The following ALDH1L1 variants were observed in gnomAD, a reference collection of about 807,000 sequenced individuals.
ALDH1L1 encodes the protein aldehyde dehydrogenase 1 family member L1, also known as cytosolic 10-formyltetrahydrofolate dehydrogenase.
ALDH1L1 carries 68 observed loss-of-function variants against 101.1 expected under a neutral mutation model. That is an observed-to-expected ratio of 0.67 (90% CI 0.55 to 0.82). ALDH1L1 has a LOEUF of 0.82. Ranked by LOEUF, ALDH1L1 falls within the 40% of genes least tolerant of loss-of-function variation. The pLI is 0.00. For synonymous variants in ALDH1L1, 486 were observed against 470.8 expected, an observed-to-expected ratio of 1.03 and a Z score of -0.42; for missense variants, 1,087 against 1,172.7, an observed-to-expected ratio of 0.93 and a Z score of 1.07.
chr3:126,140,826 CA>C (rs76633409), intron 9 of ALDH1L1, among the ~76,000 whole-genome samples: 2 of 151,140 alleles, frequency 1.3e-5, no homozygotes, highest in East Asian at 3.9e-4. Context: ...TGATACACTA[CA>C]AAAAAAATTA....
At chr3:126,107,322 T>A in intron 20 of ALDH1L1, 76 bp from the exon 21 acceptor site, 1 of 1,240,412 alleles carries the variant, frequency 8.1e-7, no homozygotes, top group Non-Finnish European at 1.2e-6. Flanking sequence ...CAGCAGGGCC[T>A]GGGCCACACC....
chr3:126,112,901 C>T, intron 18 of ALDH1L1, 21 bp from the exon 19 acceptor site: 1 of 1,607,902 alleles, frequency 6.2e-7, no homozygotes, highest in Non-Finnish European at 8.5e-7. Context: ...TGGACAAGAA[C>T]ACCAGGTCAC....
chr3:126,170,151 C>G (rs1381651339), intron 1 of ALDH1L1, among the ~76,000 whole-genome samples: 1 of 152,080 alleles, frequency 6.6e-6, no homozygotes, highest in Non-Finnish European at 1.5e-5. Context: ...TCAACCCCAC[C>G]TCACCAAATA....
At chr3:126,163,888 C>A (rs563487125) in intron 1 of ALDH1L1, among the ~76,000 whole-genome samples, 2 of 152,172 alleles carry the variant, frequency 1.3e-5, no homozygotes, top group African/African-American at 2.4e-5. Flanking sequence ...AACCCCAGCA[C>A]GTTGGGAGGC....
chr3:126,180,677 T>C, upstream of ALDH1L1: 1 of 1,360,040 alleles, frequency 7.4e-7, no homozygotes, highest in Non-Finnish European at 9.5e-7. Flanking sequence ...GGGGCGGCGC[T>C]CACCGGTGGT....
chr3:126,180,670 G>A, upstream of ALDH1L1: 3 of 1,351,362 alleles, frequency 2.2e-6, no homozygotes, highest in Non-Finnish European at 2.9e-6. Flanking sequence ...CCGAGTGGGG[G>A]CGGCGCTCAC....
At chr3:126,105,431 T>C (rs927972935) in intron 22 of ALDH1L1, 3 of 427,044 alleles carry the variant, frequency 7.0e-6, no homozygotes, top group African/African-American at 6.1e-5. Context: ...TCCTCCCTGC[T>C]ATGCAGGTCT....
intron 2 of ALDH1L1, 98 bp downstream of exon 2, chr3:126,160,755 T>C: frequency 6.5e-7 from 1 of 1,537,640 alleles, no homozygotes. Flanking sequence ...GCACAGGCCC[T>C]GCAGACTTCT....
intron 16 of ALDH1L1, among the ~76,000 whole-genome samples, chr3:126,121,844 A>C (rs1380444482): frequency 6.6e-6 from 1 of 152,234 alleles, no homozygotes; most frequent in South Asian, 2.1e-4. Context: ...GCTGGCATCC[A>C]CCAGGAGGTG....
chr3:126,103,755 G>C lies in ALDH1L1; in HGVS notation c.*36C>G. 1.2e-6 allele frequency: 2 copies of C among 1,607,538 alleles called. No homozygotes were observed. Among genetic ancestry groups the C allele is most frequent in the East Asian group, 2.2e-5 (1 of 44,804 alleles). On this transcript the variant is annotated 3_prime_UTR_variant, in exon 23 of 23. Transcript: ENST00000393434. ...GAGGGAGGGGGCCCCAGCCACGAGG[G>C]AGGGGCAGGGACTTTCTTCTCACAA... is the stretch of plus-strand genomic sequence containing the variant.
intron 1 of ALDH1L1, among the ~76,000 whole-genome samples, chr3:126,178,724 G>A (rs575210216): frequency 6.6e-6 from 1 of 151,656 alleles, no homozygotes; most frequent in Admixed American, 6.6e-5. Context: ...AACAAACCAC[G>A]ATAATTGTGT....
intron 11 of ALDH1L1, 78 bp downstream of exon 11, chr3:126,136,686 C>T: frequency 1.3e-6 from 2 of 1,539,956 alleles, no homozygotes; most frequent in South Asian, 2.4e-5. Context: ...GTCAGGACCC[C>T]CAGAGGCCAG....
intron 1 of ALDH1L1, among the ~76,000 whole-genome samples, chr3:126,170,726 T>G (rs761066358): frequency 7.9e-5 from 12 of 152,204 alleles, no homozygotes; most frequent in Non-Finnish European, 1.8e-4. Flanking sequence ...GCAGGAGTAC[T>G]GTCATCTCAG....
chr3:126,184,728 C>A (rs1262553217), upstream of ALDH1L1, among the ~76,000 whole-genome samples: 4 of 152,150 alleles, frequency 2.6e-5, no homozygotes, highest in Non-Finnish European at 5.9e-5. Flanking sequence ...GACATGGGTT[C>A]TCTTTCTGTT....
chr3:126,153,491 C>T lies in ALDH1L1; in HGVS notation c.811G>A (p.Val271Met), dbSNP rs763479909. Reference protein sequence around the residue: ...LPIPGAHRPGVVTKAGLILFG... With the variant: ...LPIPGAHRPGMVTKAGLILFG... ...AGGATGAGTCCTGCTTTGGTGACCA[C>T]CCCTGGCCGATGGGCTCCTGGGATG... Residue 271 changes from valine to methionine, a missense_variant, in exon 7 of 23, where the codon GTG (valine) becomes ATG (methionine). Around this residue, in one of 2 missense-constraint regions of ALDH1L1, gnomAD observed 645 missense variants for 637.0 expected, o/e 1.01. Transcript: ENST00000393434. The T allele has an allele frequency of 3.7e-6, 6 of 1,614,028 alleles. No individual in the cohort carries two copies. In the South Asian group the frequency reaches 5.5e-5, roughly 15 times the overall value.
chr3:126,146,814 C>A, intron 9 of ALDH1L1, 21 bp downstream of exon 9: 1 of 1,611,600 alleles, frequency 6.2e-7, no homozygotes, highest in Non-Finnish European at 8.5e-7. Flanking sequence ...TGGGACAGGA[C>A]CCCTCCACTC....
At chr3:126,178,913 T>C (rs1036200705) in intron 1 of ALDH1L1, among the ~76,000 whole-genome samples, 3 of 152,086 alleles carry the variant, frequency 2.0e-5, no homozygotes, top group Admixed American at 2.0e-4. Context: ...GAATGTTCTT[T>C]TTTTATATTG....
At position 126,176,527 on chromosome 3, in the gene ALDH1L1, A is replaced by G. The variant is rs74924985; in HGVS notation, c.-24+3949T>C. Among the ~76,000 whole-genome samples, 1,306 of 152,332 alleles carry G rather than the reference A, an allele frequency of 8.6e-3. 20 individuals carry two copies. The highest frequency in any genetic ancestry group is 0.03 in the African/African-American group (1,234 of 41,576). On this transcript the variant is annotated intron_variant, in intron 1 of 22. Coordinates refer to ENST00000393434, the MANE Select transcript of ALDH1L1 (RefSeq NM_012190.4). ...ATAGAGAGCCCAGAAGTAAACTCAC[A>G]TCAATACAGTCAACTGAACTTTGAC...
intron 1 of ALDH1L1, among the ~76,000 whole-genome samples, chr3:126,179,186 G>A (rs895777879): frequency 3.3e-5 from 5 of 152,342 alleles, no homozygotes; most frequent in African/African-American, 9.6e-5. Context: ...AGTCATGGCC[G>A]CTCAGTGTCC....
Sources: gnomAD v4.1 joint callset for allele counts (sites outside exome capture counted in the v4.1 genomes callset) on GRCh38, gnomAD v4.1.1 for gene constraint, gnomAD v4.1.1 regional missense constraint, MANE v1.5 for transcripts, NCBI Gene and HGNC (gene_info 2026-07-23, HGNC 2026-07-21) for gene names.